HSD17B4: variants seen among roughly 807,000 people sequenced by gnomAD.
HSD17B4 encodes hydroxysteroid 17-beta dehydrogenase 4.
In HSD17B4, 70 loss-of-function variants were observed where a neutral mutation model predicts 101.0. The observed-to-expected ratio is 0.69, with a 90% CI of 0.57 to 0.85. The LOEUF is 0.85. HSD17B4 is among the 40% of genes least tolerant of loss of function. The pLI is 0.00. For missense variants in HSD17B4, 984 were observed against 892.4 expected, an observed-to-expected ratio of 1.10 and a Z score of -1.31; for synonymous variants, 347 against 297.1, an observed-to-expected ratio of 1.17 and a Z score of -1.73.
intron 9 of HSD17B4, among the ~76,000 whole-genome samples, chr5:119,489,521 G>T (rs904848625): frequency 6.6e-6 from 1 of 152,048 alleles, no homozygotes; most frequent in Admixed American, 6.6e-5. Context: ...TGATCTGTTC[G>T]GTCAAAATGT....
intron 17 of HSD17B4, among the ~76,000 whole-genome samples, chr5:119,522,246 C>T (rs996900670): frequency 2.0e-5 from 3 of 152,142 alleles, no homozygotes; most frequent in African/African-American, 7.2e-5. Context: ...TCATCCATGT[C>T]CCTACAAAAG....
Position 119,525,898 on chromosome 5 carries a change from G to T in HSD17B4, c.1574-19G>T. On this transcript the variant is annotated intron_variant, in intron 18 of 23. Coordinates refer to ENST00000510025, the MANE Select transcript of HSD17B4 (RefSeq NM_000414.4). Reference sequence around the variant, plus strand: ...TTTAAAGGTACCTGTATCTAACTCAGTGTTCTCTCTTTTCCTAGGTTTTGA... The same window carrying T: ...TTTAAAGGTACCTGTATCTAACTCATTGTTCTCTCTTTTCCTAGGTTTTGA... 1.4e-6 allele frequency: 2 copies of T among 1,402,446 alleles called. No individual in the cohort carries two copies. The highest frequency in any genetic ancestry group is 1.1e-5 in the South Asian group (1 of 86,972). 86.9% of individuals were successfully genotyped at this position (1,402,446 alleles called of 1,614,324 possible). A position where few individuals can be genotyped will look rare whatever the true frequency, so the allele number is the denominator to read the frequency against.
chr5:119,463,722 C>T (rs1355090218), intron 2 of HSD17B4, among the ~76,000 whole-genome samples: 3 of 118,654 alleles, frequency 2.5e-5, no homozygotes, highest in African/African-American at 9.3e-5. Flanking sequence ...GGCTAGAGTG[C>T]AAGTGGTGTC....
At chr5:119,488,140 C>G (rs972178300) in intron 8 of HSD17B4, among the ~76,000 whole-genome samples, 1 of 152,072 alleles carries the variant, frequency 6.6e-6, no homozygotes, top group African/African-American at 2.4e-5. Flanking sequence ...AATTGTATCT[C>G]ATTTGAGCCT....
At chr5:119,494,607 A>G (rs1030371770) in intron 11 of HSD17B4, among the ~76,000 whole-genome samples, 13 of 152,058 alleles carry the variant, frequency 8.5e-5, no homozygotes, top group African/African-American at 3.1e-4. Flanking sequence ...TCTAGGGTAT[A>G]TTGATCTTTC....
chr5:119,491,737 T>C (rs1355494675), intron 9 of HSD17B4, among the ~76,000 whole-genome samples: 2 of 152,212 alleles, frequency 1.3e-5, no homozygotes, highest in Non-Finnish European at 2.9e-5. Context: ...GTTTGCTTCA[T>C]GGTAACCACA....
chr5:119,472,728 C>T (rs1221601836), intron 2 of HSD17B4, among the ~76,000 whole-genome samples: 1 of 152,214 alleles, frequency 6.6e-6, no homozygotes, highest in East Asian at 1.9e-4. Context: ...GCCACCGCGC[C>T]CGGCCCAACG....
Position 119,527,188 on chromosome 5 carries a change from A to T in HSD17B4, c.1736A>T (p.Lys579Met). 6.2e-7 allele frequency: 1 copy of T among 1,609,146 alleles called. No individual in the cohort carries two copies. Among genetic ancestry groups the T allele is most frequent in the Non-Finnish European group, 8.5e-7 (1 of 1,175,908 alleles). Residue 579 changes from lysine (K) to methionine (M), a missense_variant, in exon 20 of 24, where the codon AAG becomes ATG. Transcript: ENST00000510025. ...CAAACTCTACAAACTGAGATGTGGA[A>T]GGAAGGAAACAGAATTCATTTTCAA... Reference protein sequence around the residue: ...PGQTLQTEMWKEGNRIHFQTK... With the variant: ...PGQTLQTEMWMEGNRIHFQTK...
At chr5:119,528,524 GT>G (rs1280249507) in intron 20 of HSD17B4, among the ~76,000 whole-genome samples, 2 of 152,222 alleles carry the variant, frequency 1.3e-5, no homozygotes, top group African/African-American at 4.8e-5. Context: ...TCAAATTGGT[GT>G]TCTCTGAAAG....
chr5:119,509,416 TTCC>T (rs773521442), intron 16 of HSD17B4, 172 bp downstream of exon 16: 12 of 697,226 alleles, frequency 1.7e-5, no homozygotes, highest in African/African-American at 5.2e-5. Context: ...CCTCCTCCTC[TTCC>T]TCCTCCTCAG....
intron 9 of HSD17B4, among the ~76,000 whole-genome samples, chr5:119,491,667 C>T (rs1448021038): frequency 2.0e-5 from 3 of 152,024 alleles, no homozygotes; most frequent in African/African-American, 7.2e-5. Context: ...TTCAGTAGGT[C>T]CTTCAAGAGG....
intron 11 of HSD17B4, among the ~76,000 whole-genome samples, chr5:119,495,116 C>T (rs1298414715): frequency 1.3e-5 from 2 of 151,598 alleles, no homozygotes; most frequent in Non-Finnish European, 2.9e-5. Context: ...TATTCTCAAT[C>T]AGATGATAAC....
intron 11 of HSD17B4, among the ~76,000 whole-genome samples, chr5:119,494,534 C>G (rs2126762891): frequency 6.6e-6 from 1 of 152,120 alleles, no homozygotes; most frequent in Non-Finnish European, 1.5e-5. Flanking sequence ...ATCTCCTCTG[C>G]TAATCTTAAT....
intron 23 of HSD17B4, 53 bp downstream of exon 23, chr5:119,536,603 C>T: frequency 6.3e-7 from 1 of 1,578,784 alleles, no homozygotes; most frequent in East Asian, 2.3e-5. Flanking sequence ...CCTCTTTTGA[C>T]AATTGCAGTT....
rs771172384 is a variant in HSD17B4 at position 119,527,142 on chromosome 5, G to C, written c.1690G>C (p.Ala564Pro). Residue 564 changes from alanine (A) to proline (P), a missense_variant, in exon 20 of 24, where the codon GCA becomes CCA. Ala to Pro is a conservative substitution (Grantham distance 27). Coordinates refer to ENST00000510025, the MANE Select transcript of HSD17B4 (RefSeq NM_000414.4). ...CAATTCTTTTTTAAAGGCTCGTTTT[G>C]CAAAACCAGTATATCCAGGACAAAC... Reference protein sequence around the residue: ...SRFKAIKARFAKPVYPGQTLQ... With the variant: ...SRFKAIKARFPKPVYPGQTLQ... 7 of 1,595,022 alleles carry C rather than the reference G, an allele frequency of 4.4e-6. No individual in the cohort carries two copies. In the African/African-American group the frequency reaches 9.4e-5, roughly 22 times the overall value.
At chr5:119,508,528 T>C (rs1219055877) in intron 15 of HSD17B4, among the ~76,000 whole-genome samples, 1 of 152,230 alleles carries the variant, frequency 6.6e-6, no homozygotes, top group Non-Finnish European at 1.5e-5. Context: ...CCTAGTAAGT[T>C]AGTAAATAGA....
chr5:119,459,536 G>C (rs1272407136), intron 2 of HSD17B4, among the ~76,000 whole-genome samples: 1 of 152,134 alleles, frequency 6.6e-6, no homozygotes, highest in African/African-American at 2.4e-5. Flanking sequence ...GCTTATAACA[G>C]AACACTTAAA....
At chr5:119,461,520 C>T (rs1338430975) in intron 2 of HSD17B4, among the ~76,000 whole-genome samples, 2 of 152,024 alleles carry the variant, frequency 1.3e-5, no homozygotes, top group Non-Finnish European at 2.9e-5. Context: ...AATTTGGTAC[C>T]TTGTACTTAG....
intron 20 of HSD17B4, 30 bp from the exon 21 acceptor site, chr5:119,529,864 T>C: frequency 1.6e-6 from 2 of 1,285,436 alleles, no homozygotes; most frequent in Non-Finnish European, 2.3e-6. Flanking sequence ...GTAATCAGAA[T>C]AAATCTTTTT....
Sources: allele counts gnomAD v4.1 joint callset (sites outside exome capture counted in the v4.1 genomes callset), GRCh38; gene constraint gnomAD v4.1.1; transcripts MANE v1.5; gene names NCBI Gene and HGNC (gene_info 2026-07-23, HGNC 2026-07-21).